Variants in AMZ1 observed in about 807,000 individuals in gnomAD.
The protein encoded by AMZ1 is archaemetzincin-1.
Under a neutral mutation model 29.9 loss-of-function variants are expected in AMZ1, and 39 were observed. The observed-to-expected ratio is 1.30, with a 90% CI of 1.01 to 1.70. The LOEUF is 1.70. AMZ1 is among the 40% of genes most tolerant of loss of function. The pLI is 0.00. For synonymous variants in AMZ1, 458 were observed against 304.0 expected (o/e 1.51, Z -5.27); for missense variants, 1,041 against 680.6 (o/e 1.53, Z -5.89).
chr7:2,685,128 C>T (rs1475218085), upstream of AMZ1, among the ~76,000 whole-genome samples: 1 of 151,730 alleles, frequency 6.6e-6, no homozygotes, highest in South Asian at 2.1e-4. Flanking sequence ...CTCGGCCTCC[C>T]AAAGTGCTGG....
chr7:2,681,469 C>T (rs1237552281), intron 1 of AMZ1, among the ~76,000 whole-genome samples: 1 of 152,056 alleles, frequency 6.6e-6, no homozygotes, highest in Non-Finnish European at 1.5e-5. Flanking sequence ...CTATCCTGCC[C>T]AGGCTGCTCT....
At chr7:2,710,644 T>G (rs960299607) in intron 6 of AMZ1, among the ~76,000 whole-genome samples, 1 of 152,202 alleles carries the variant, frequency 6.6e-6, no homozygotes, top group Non-Finnish European at 1.5e-5. Context: ...GGCCGTGGCA[T>G]TTCTAGCTCA....
chr7:2,753,692 G>A (rs1791146528), intron 4 of AMZ1, among the ~76,000 whole-genome samples: 1 of 152,088 alleles, frequency 6.6e-6, no homozygotes, highest in African/African-American at 2.4e-5. Flanking sequence ...TTTCTCTAGG[G>A]TAAATGCCCA....
chr7:2,717,026 A>T lies in AMZ1; in HGVS notation c.*4148A>T, dbSNP rs1789164908. Among the ~76,000 whole-genome samples the T allele has an allele frequency of 6.6e-6, 1 of 152,218 alleles. No homozygotes were observed. Among genetic ancestry groups the T allele is most frequent in the Admixed American group, 6.5e-5 (1 of 15,288 alleles). Reference sequence around the variant, plus strand: ...AGGAAGAGAGTAAGAAGGCGCACGGACGCGGGAGGCCTGCACCCTGATCCC... The same window carrying T: ...AGGAAGAGAGTAAGAAGGCGCACGGTCGCGGGAGGCCTGCACCCTGATCCC... On this transcript the variant is annotated 3_prime_UTR_variant, in exon 7 of 7. Coordinates refer to ENST00000683327, the MANE Select transcript of AMZ1 (RefSeq NM_001384743.1).
At chr7:2,758,473 G>A (rs186653190) in intron 4 of AMZ1, among the ~76,000 whole-genome samples, 1 of 152,214 alleles carries the variant, frequency 6.6e-6, no homozygotes, top group African/African-American at 2.4e-5. Flanking sequence ...AATGACACAC[G>A]CCCTGTGCAA....
At chr7:2,750,195 A>G (rs1302760020) in intron 4 of AMZ1, among the ~76,000 whole-genome samples, 1 of 152,268 alleles carries the variant, frequency 6.6e-6, no homozygotes, top group East Asian at 1.9e-4. Flanking sequence ...TCCTCACAGC[A>G]GCGACACCGG....
At chr7:2,736,199 C>G (rs974223812) in intron 4 of AMZ1, among the ~76,000 whole-genome samples, 1 of 152,068 alleles carries the variant, frequency 6.6e-6, no homozygotes, top group African/African-American at 2.4e-5. Flanking sequence ...TGAAATTAAC[C>G]GCTTGGTGGG....
rs1271105536 is a variant in AMZ1 at position 2,709,631 on chromosome 7, T to C, written c.772-9T>C. 7 of 1,604,406 alleles carry C rather than the reference T, an allele frequency of 4.4e-6. No homozygotes were observed. The South Asian group carries it at 5.5e-5, about 13-fold the overall frequency. ...AGTGAGGCAAGGTGCTTGGTGGCCT[T>C]CCCCCCAGGTCACGTGCCACGAGCT... is the stretch of plus-strand genomic sequence containing the variant. On this transcript the variant is annotated splice_polypyrimidine_tract_variant and intron_variant, in intron 5 of 6. Coordinates refer to ENST00000683327, the MANE Select transcript of AMZ1 (RefSeq NM_001384743.1).
In AMZ1 at chr7:2,708,571, T is replaced by C; in HGVS notation, c.473-17T>C. 1.2e-6 allele frequency: 2 copies of C among 1,611,432 alleles called. No homozygotes were observed. The highest frequency in any genetic ancestry group is 1.1e-5 in the South Asian group (1 of 91,080). The stretch of plus-strand genomic sequence containing the variant: ...CCGGCTGCCTCCTGACCCCATCCTC[T>C]GGCCCTCTCCCCGCAGACGGCATCC... On this transcript the variant is annotated splice_polypyrimidine_tract_variant and intron_variant, in intron 3 of 6. Coordinates refer to ENST00000683327, the MANE Select transcript of AMZ1 (RefSeq NM_001384743.1).
At position 2,717,411 on chromosome 7, in the gene AMZ1, G is replaced by C. The variant is rs553878859; in HGVS notation, c.*4533G>C. Among the ~76,000 whole-genome samples the C allele has an allele frequency of 3.3e-5, 5 of 152,360 alleles. No individual in the cohort carries two copies. Among genetic ancestry groups the C allele is most frequent in the Admixed American group, 6.5e-5 (1 of 15,304 alleles). ...TCCAGTAAGAGTGAGAGACTCACGG[G>C]GGCCTGGCTGCCGTCCTGGGAGAGG... On this transcript the variant is annotated 3_prime_UTR_variant, in exon 7 of 7. Coordinates refer to ENST00000683327, the MANE Select transcript of AMZ1 (RefSeq NM_001384743.1).
intron 1 of AMZ1, among the ~76,000 whole-genome samples, chr7:2,696,546 C>T (rs565912220): frequency 8.6e-4 from 130 of 151,470 alleles, no homozygotes; most frequent in African/African-American, 2.0e-3. Flanking sequence ...CGTGAGCCAC[C>T]GCACCTGGCC....
At chr7:2,710,941 G>T (rs769871157) in intron 6 of AMZ1, among the ~76,000 whole-genome samples, 13 of 152,168 alleles carry the variant, frequency 8.5e-5, no homozygotes, top group Non-Finnish European at 8.8e-5. Context: ...CAGGCACAGG[G>T]GCAGCTTGGT....
upstream of AMZ1, chr7:2,762,777 C>A (rs967918059): frequency 6.5e-7 from 1 of 1,546,200 alleles, no homozygotes. Context: ...TCCACCCAGG[C>A]TGTACAAAAG....
At chr7:2,758,646 G>C (rs371679492) in intron 4 of AMZ1, among the ~76,000 whole-genome samples, 136 of 152,300 alleles carry the variant, frequency 8.9e-4, no homozygotes, top group African/African-American at 3.1e-3. Flanking sequence ...GGTCTCGGGG[G>C]CCCCCACAGC....
chr7:2,721,560 C>G (rs1554252560), downstream of AMZ1, among the ~76,000 whole-genome samples: 1 of 152,000 alleles, frequency 6.6e-6, no homozygotes, highest in Non-Finnish European at 1.5e-5. Context: ...ACTAAAAATA[C>G]AAAAAATTAG....
At chr7:2,724,104 G>C (rs186172963), downstream of AMZ1, among the ~76,000 whole-genome samples, 3,735 of 151,798 alleles carry the variant, frequency 0.025, 63 homozygotes, top group Non-Finnish European at 0.036. Context: ...ATGGGGAGTG[G>C]GGGGGCGGGT....
intron 6 of AMZ1, among the ~76,000 whole-genome samples, chr7:2,712,012 A>T (rs1294046730): frequency 1.3e-5 from 2 of 152,054 alleles, no homozygotes; most frequent in Non-Finnish European, 2.9e-5. Context: ...GCAGCACTGC[A>T]CTCCAGCCTG....
At chr7:2,757,742 T>C (rs540450422) in intron 4 of AMZ1, among the ~76,000 whole-genome samples, 4 of 152,338 alleles carry the variant, frequency 2.6e-5, no homozygotes, top group East Asian at 1.9e-4. Context: ...CCATGAAGCA[T>C]AAAGGAAAAT....
upstream of AMZ1, chr7:2,763,285 T>C (rs1208221434): frequency 4.6e-6 from 1 of 215,318 alleles, no homozygotes; most frequent in Admixed American, 6.5e-5. Flanking sequence ...GTGGGAGGAG[T>C]GCTGTGAGGC....
Sources: gnomAD v4.1 joint callset for allele counts (sites outside exome capture counted in the v4.1 genomes callset) on GRCh38, gnomAD v4.1.1 for gene constraint, MANE v1.5 for transcripts, NCBI Gene and HGNC (gene_info 2026-07-23, HGNC 2026-07-21) for gene names.